ZSWIM4: variants seen among roughly 807,000 people sequenced by gnomAD.
The protein encoded by ZSWIM4 is zinc finger SWIM-type containing 4.
Under a neutral mutation model 102.5 loss-of-function variants are expected in ZSWIM4, and 62 were observed. The ratio of observed to expected loss-of-function variants is 0.60; its 90% confidence interval spans 0.49 to 0.75. The LOEUF (loss-of-function observed/expected upper bound fraction) is 0.75. Among genes scored for constraint, ZSWIM4 ranks in the 30% least tolerant of loss-of-function variants. The probability of loss-of-function intolerance (pLI) is 0.00; values close to 1 mark genes in which losing one functional copy is unlikely to be tolerated. For synonymous variants in ZSWIM4, 652 were observed against 674.5 expected, an observed-to-expected ratio of 0.97 and a Z score of 0.52; for missense variants, 1,280 against 1,529.6, an observed-to-expected ratio of 0.84 and a Z score of 2.72.
Position 13,809,060 on chromosome 19 carries a change from C to T in ZSWIM4, c.862-10C>T. On this transcript the variant is annotated splice_polypyrimidine_tract_variant and intron_variant, in intron 4 of 13. Coordinates refer to ENST00000590508, the MANE Select transcript of ZSWIM4 (RefSeq NM_001367834.3). This position sits in a 1 kb window ranked among gnomAD's most constrained non-coding sequence, Gnocchi z 4.2. The stretch of plus-strand genomic sequence containing the variant: ...CCCAGCCCTTCCTCACCACCCTGTC[C>T]CCGGCACAGGTGCGGGAGATGCTGC... 3 of 1,611,336 alleles carry T rather than the reference C, an allele frequency of 1.9e-6. No homozygotes were observed. The highest frequency in any genetic ancestry group is 2.5e-6 in the Non-Finnish European group (3 of 1,178,108).
chr19:13,800,020 A>G (rs549631994), intron 2 of ZSWIM4, 99 bp downstream of exon 2: 3 of 1,110,182 alleles, frequency 2.7e-6, no homozygotes, highest in Admixed American at 2.2e-5. Flanking sequence ...AGGGGATGGG[A>G]GGTTACAGAC....
chr19:13,799,779 G>A lies in ZSWIM4; in HGVS notation c.213G>A (p.Ser71=), dbSNP rs759542427. ...TCCAGAAGCGCATCGTGTTTTGGTCGTTTCCACGCAGTGAACGGGAAATAT... is the reference window on the plus strand; with the variant it reads ...TCCAGAAGCGCATCGTGTTTTGGTCATTTCCACGCAGTGAACGGGAAATAT... ...EPVQKRIVFW[S]FPRSEREICM... Residue 71 remains serine (S), a synonymous_variant, in exon 2 of 14, where the codon TCG becomes TCA. Transcript: ENST00000590508. 4 of 1,614,074 alleles carry A rather than the reference G, an allele frequency of 2.5e-6. No individual in the cohort carries two copies. The highest frequency in any genetic ancestry group is 8.5e-7 in the Non-Finnish European group (1 of 1,180,014).
At chr19:13,817,418 C>A in intron 8 of ZSWIM4, 65 bp downstream of exon 8, 1 of 1,565,456 alleles carries the variant, frequency 6.4e-7, no homozygotes, top group South Asian at 1.2e-5. Flanking sequence ...CGCCCCCTGG[C>A]CCAGTACCCC....
rs1379204358 is a variant in ZSWIM4 at position 13,830,697 on chromosome 19, A to G, written c.2968A>G (p.Ile990Val). Residue 990 changes from isoleucine (I) to valine (V), a missense_variant, in exon 14 of 14, where the codon ATC (isoleucine) becomes GTC (valine). By Grantham distance (29) the Ile-to-Val change is conservative. Coordinates refer to ENST00000590508, the MANE Select transcript of ZSWIM4 (RefSeq NM_001367834.3). ...CATCGTCCCCCTCATCATTCGCAGC[A>G]TCCACTGTGCCCCAATGCTGTCCGA... is the stretch of plus-strand genomic sequence containing the variant. ...SAIVPLIIRS[I>V]HCAPMLSDIL... 1 of 1,607,130 alleles carries G rather than the reference A, an allele frequency of 6.2e-7. No individual in the cohort carries two copies. Among genetic ancestry groups the G allele is most frequent in the Non-Finnish European group, 8.5e-7 (1 of 1,179,088 alleles).
intron 2 of ZSWIM4, among the ~76,000 whole-genome samples, chr19:13,800,670 G>A (rs1186310070): frequency 6.6e-6 from 1 of 152,128 alleles, no homozygotes; most frequent in Admixed American, 6.5e-5. Context: ...GCCTCCCAAA[G>A]TGCTGGGATT....
At chr19:13,827,293 G>GA (rs988226100) in intron 12 of ZSWIM4, among the ~76,000 whole-genome samples, 1 of 150,982 alleles carries the variant, frequency 6.6e-6, no homozygotes. Flanking sequence ...AACTCTAAAA[G>GA]AAAAAAATAG....
chr19:13,818,085 C>G, intron 9 of ZSWIM4, 109 bp downstream of exon 9: 1 of 1,412,296 alleles, frequency 7.1e-7, no homozygotes, highest in Non-Finnish European at 9.2e-7. Flanking sequence ...AGCCCCGCCC[C>G]TAGCCCCGCC....
At chr19:13,800,366 C>T (rs1400274367) in intron 2 of ZSWIM4, among the ~76,000 whole-genome samples, 2 of 146,594 alleles carry the variant, frequency 1.4e-5, no homozygotes, top group African/African-American at 2.5e-5. Context: ...CCCGGGTTCA[C>T]GCCATTCTCC....
At position 13,804,953 on chromosome 19, in the gene ZSWIM4, CTG is replaced by C; in HGVS notation, c.519_520del (p.Tyr174ProfsTer40). The C allele has an allele frequency of 6.2e-7, 1 of 1,613,396 alleles. No homozygotes were observed. Among genetic ancestry groups the C allele is most frequent in the Non-Finnish European group, 8.5e-7 (1 of 1,180,038 alleles). ...FYCAHVVALS[L>X]YRIRHAHQVE... Reference sequence around the variant, plus strand: ...CTGTGCCCACGTGGTGGCCCTGTCCCTGTACCGCATTCGGCACGCCCACCAGG... The same window carrying C: ...CTGTGCCCACGTGGTGGCCCTGTCCCTACCGCATTCGGCACGCCCACCAGG... On this transcript the variant is annotated frameshift_variant, in exon 3 of 14. Coordinates refer to ENST00000590508, the MANE Select transcript of ZSWIM4 (RefSeq NM_001367834.3). LOFTEE classifies it high-confidence loss of function.
chr19:13,795,598 A>T lies in ZSWIM4; in HGVS notation c.-51A>T, dbSNP rs2145234510. 3.5e-6 allele frequency: 1 copy of T among 285,554 alleles called. No homozygotes were observed. The highest frequency in any genetic ancestry group is 7.4e-5 in the East Asian group (1 of 13,556). The allele number at this position is 285,554 out of a possible 1,614,324, so 17.7% of individuals were successfully genotyped here. A position where few individuals can be genotyped will look rare whatever the true frequency, so the allele number is the denominator to read the frequency against. The stretch of plus-strand genomic sequence containing the variant: ...GCCGGCGAAGCGGAGCGGGCATCGG[A>T]CCGAGCCCCCCAAAGAGGCCCCGCC... On this transcript the variant is annotated 5_prime_UTR_variant, in exon 1 of 14. Coordinates refer to ENST00000590508, the MANE Select transcript of ZSWIM4 (RefSeq NM_001367834.3).
chr19:13,817,873 G>A lies in ZSWIM4; in HGVS notation c.1821G>A (p.Lys607=). Residue 607 remains lysine, a synonymous_variant, in exon 9 of 14, where the codon AAG becomes AAA. Transcript: ENST00000590508. ...CGGAGGGGCTGTACGCCCAGGACAA[G>A]GTGGTGCGCAACGAGGAGCAGCTGC... The part of the protein sequence containing the change: ...ALPEGLYAQD[K]VVRNEEQLLA... 1 of 1,553,986 alleles carries A rather than the reference G, an allele frequency of 6.4e-7. No individual in the cohort carries two copies. The highest frequency in any genetic ancestry group is 8.7e-7 in the Non-Finnish European group (1 of 1,148,420).
chr19:13,804,029 T>C (rs1039895293), intron 2 of ZSWIM4, among the ~76,000 whole-genome samples: 2 of 149,828 alleles, frequency 1.3e-5, no homozygotes, highest in African/African-American at 4.9e-5. Flanking sequence ...GCCCGGCTAA[T>C]TTTTTTATAT....
chr19:13,828,625 TC>T lies in ZSWIM4; in HGVS notation c.2380-16del. The T allele has an allele frequency of 6.2e-7, 1 of 1,613,538 alleles. No homozygotes were observed. The highest frequency in any genetic ancestry group is 8.5e-7 in the Non-Finnish European group (1 of 1,179,614). On this transcript the variant is annotated intron_variant, in intron 12 of 13. Transcript: ENST00000590508. ...CCCAAGACTCAGGCTAACCCCCTTC[TC>T]CCCACCCCTACCTTGCAGGTGATGC...
At chr19:13,807,926 A>T (rs1211817572) in intron 3 of ZSWIM4, among the ~76,000 whole-genome samples, 1 of 152,170 alleles carries the variant, frequency 6.6e-6, no homozygotes, top group Non-Finnish European at 1.5e-5. Context: ...AAACAGGTTT[A>T]ATCGGCTCAT....
rs757607904 is a variant in ZSWIM4, at chr19:13,809,044, T to C, written c.862-26T>C. ...AGGCCCCGGCGGACGCCCCAGCCCT[T>C]CCTCACCACCCTGTCCCCGGCACAG... is the stretch of plus-strand genomic sequence containing the variant. On this transcript the variant is annotated intron_variant, in intron 4 of 13. Transcript: ENST00000590508. The surrounding 1 kb of genome is among the most constrained non-coding windows in gnomAD (Gnocchi z 4.2). The C allele has an allele frequency of 7.5e-6, 12 of 1,607,938 alleles. No homozygotes were observed. In the East Asian group the frequency reaches 2.7e-4, roughly 36 times the overall value.
chr19:13,829,549 C>T (rs1483907095), intron 13 of ZSWIM4, among the ~76,000 whole-genome samples: 1 of 152,176 alleles, frequency 6.6e-6, no homozygotes, highest in African/African-American at 2.4e-5. Flanking sequence ...CGAGAACTCA[C>T]TACCGCACTC....
At position 13,811,450 on chromosome 19, in the gene ZSWIM4, G is replaced by A. The variant is rs562919543; in HGVS notation, c.1013-1547G>A. ...GGGGCTGAGGTAGGGGGATCACTTG[G>A]GCCCCGGAGGTTGAGGCTGCAGTGA... On this transcript the variant is annotated intron_variant, in intron 5 of 13. Coordinates refer to ENST00000590508, the MANE Select transcript of ZSWIM4 (RefSeq NM_001367834.3). Among the ~76,000 whole-genome samples, 454 of 151,940 alleles carry A rather than the reference G, an allele frequency of 3.0e-3. 3 individuals carry two copies. The highest frequency in any genetic ancestry group is 0.01 in the African/African-American group (430 of 41,428).
chr19:13,828,804 A>G (rs1172552516), intron 13 of ZSWIM4, 78 bp downstream of exon 13: 3 of 1,443,204 alleles, frequency 2.1e-6, no homozygotes, highest in Non-Finnish European at 2.9e-6. Flanking sequence ...CCAGGCAGAC[A>G]AGAAAGAGAG....
intron 1 of ZSWIM4, among the ~76,000 whole-genome samples, chr19:13,799,022 C>G (rs929492537): frequency 4.6e-5 from 7 of 152,046 alleles, no homozygotes; most frequent in African/African-American, 1.7e-4. Flanking sequence ...CTCCTGGACT[C>G]AAGTGCACCA....
Sources: allele counts gnomAD v4.1 joint callset (sites outside exome capture counted in the v4.1 genomes callset), GRCh38; gene constraint gnomAD v4.1.1; non-coding constraint Gnocchi (gnomAD v3.1); transcripts MANE v1.5; gene names NCBI Gene and HGNC (gene_info 2026-07-23, HGNC 2026-07-21).